TEP1: variants seen among roughly 807,000 people sequenced by gnomAD.
TEP1 encodes the protein telomerase protein component 1.
In TEP1, 241 loss-of-function variants were observed where a neutral mutation model predicts 306.3. That is an observed-to-expected ratio of 0.79 (90% CI 0.71 to 0.88). The LOEUF (loss-of-function observed/expected upper bound fraction) is 0.88. Ranked by LOEUF, TEP1 falls within the 40% of genes least tolerant of loss-of-function variation. TEP1 has a pLI of 0.00. For synonymous variants in TEP1, 1,289 were observed against 1,305.5 expected, an observed-to-expected ratio of 0.99 and a Z score of 0.27; for missense variants, 3,051 against 3,276.1, an observed-to-expected ratio of 0.93 and a Z score of 1.68.
At chr14:20,389,348 C>T in intron 16 of TEP1, 51 bp from the exon 17 acceptor site, 1 of 1,589,234 alleles carries the variant, frequency 6.3e-7, no homozygotes, top group Non-Finnish European at 8.6e-7. Flanking sequence ...ACCTGGAACA[C>T]AGTCACTGCC....
intron 2 of TEP1, 58 bp downstream of exon 2, chr14:20,407,815 G>C: frequency 1.4e-6 from 2 of 1,408,878 alleles, no homozygotes; most frequent in Non-Finnish European, 1.9e-6. Flanking sequence ...CTGAAAGCTA[G>C]AGACAAGAGC....
rs559198220 is a variant in TEP1, at chr14:20,372,751, G to A, written c.7058C>T (p.Ser2353Leu). 23 of 1,613,960 alleles carry A rather than the reference G, an allele frequency of 1.4e-5. No individual in the cohort carries two copies. The highest frequency in any genetic ancestry group is 1.3e-4 in the East Asian group (6 of 44,878). Residue 2353 changes from serine to leucine, a missense_variant, in exon 49 of 55, where the codon TCG becomes TTG. This residue lies in a region of TEP1 where 1,540 missense variants were observed against 1,705.9 expected (regional missense o/e 0.90). Coordinates refer to ENST00000262715, the MANE Select transcript of TEP1 (RefSeq NM_007110.5). ...SEWQVKLRKGSAPGNLSLHLN... is the reference protein window; with the variant it reads ...SEWQVKLRKGLAPGNLSLHLN... ...GTTTCACCTCAAATTTCCGGGTGCC[G>A]AACCCTTCCGCAGTTTCACTTGCCA...
Position 20,382,066 on chromosome 14 carries a change from G to C in TEP1, c.4274-3C>G. The C allele has an allele frequency of 1.2e-6, 2 of 1,614,012 alleles. No homozygotes were observed. The highest frequency in any genetic ancestry group is 1.7e-6 in the Non-Finnish European group (2 of 1,179,956). On this transcript the variant is annotated splice_region_variant and splice_polypyrimidine_tract_variant and intron_variant, in intron 29 of 54. Transcript: ENST00000262715. ...GTGCAGCTGGTCCACAGTCAAACCT[G>C]AAAACTCAAGCTCTCTGAGGCCCTC...
In TEP1 at chr14:20,383,936, A is replaced by G. The variant is rs1412847328; in HGVS notation, c.3535-18T>C. The G allele has an allele frequency of 1.3e-5, 20 of 1,594,522 alleles. No individual in the cohort carries two copies. In the South Asian group the frequency reaches 2.2e-4, roughly 18 times the overall value. On this transcript the variant is annotated intron_variant, in intron 24 of 54. Coordinates refer to ENST00000262715, the MANE Select transcript of TEP1 (RefSeq NM_007110.5). ...AGAGATGCCTGCATGGGACAGGAACAGAAAACATGGTCACATTTTACATGC... is the reference window on the plus strand; with the variant it reads ...AGAGATGCCTGCATGGGACAGGAACGGAAAACATGGTCACATTTTACATGC...
chr14:20,386,061 C>A lies in TEP1; in HGVS notation c.2982+14G>T, dbSNP rs761301855. The stretch of plus-strand genomic sequence containing the variant: ...GCTTCCTCCCCAGCCCTCCTCCAAA[C>A]CTGTCTGCCTTACCCAGTGGAAGTG... On this transcript the variant is annotated intron_variant, in intron 20 of 54. Coordinates refer to ENST00000262715, the MANE Select transcript of TEP1 (RefSeq NM_007110.5). 6 of 1,590,760 alleles carry A rather than the reference C, an allele frequency of 3.8e-6. No individual in the cohort carries two copies. In the South Asian group the frequency reaches 6.9e-5, roughly 18 times the overall value.
Position 20,401,529 on chromosome 14 carries a change from G to C in TEP1, c.1319C>G (p.Thr440Ser), listed in dbSNP as rs2139173514. ...CAGTCGCTGAACCAGCTTCTTCAGG[G>C]TGAACCTTGGAGGATTCTTTTTCTC... Reference protein sequence around the residue: ...VSEKKNPPRFTLKKLVQRLHI... With the variant: ...VSEKKNPPRFSLKKLVQRLHI... The change falls in exon 8 of 55, where the codon ACC becomes AGC. Residue 440 changes from threonine (T) to serine (S), a missense_variant. Thr to Ser is a moderately conservative substitution (Grantham distance 58). This residue lies in a region of TEP1 where 1,507 missense variants were observed against 1,550.5 expected (regional missense o/e 0.97). Transcript: ENST00000262715. The C allele has an allele frequency of 6.2e-7, 1 of 1,614,196 alleles. No individual in the cohort carries two copies. Among genetic ancestry groups the C allele is most frequent in the Middle Eastern group, 1.6e-4 (1 of 6,062 alleles).
Position 20,392,774 on chromosome 14 carries a change from G to A in TEP1, c.1929-1007C>T, listed in dbSNP as rs115648209. Among the ~76,000 whole-genome samples the A allele has an allele frequency of 2.2e-3, 337 of 152,142 alleles. 2 individuals are homozygous for A. The highest frequency in any genetic ancestry group is 7.8e-3 in the African/African-American group (325 of 41,496). ...CGAGGAATTATTTTTAGTTTTGTCAGGTATATTAATGACATTCTCATTGTA... is the reference window on the plus strand; with the variant it reads ...CGAGGAATTATTTTTAGTTTTGTCAAGTATATTAATGACATTCTCATTGTA... On this transcript the variant is annotated intron_variant, in intron 12 of 54. Coordinates refer to ENST00000262715, the MANE Select transcript of TEP1 (RefSeq NM_007110.5).
chr14:20,389,468 T>C (rs761596899), intron 16 of TEP1, 142 bp downstream of exon 16: 13 of 1,447,712 alleles, frequency 9.0e-6, no homozygotes, highest in Non-Finnish European at 1.2e-5. Context: ...GGCTAAAGTA[T>C]CCACCTGAAG....
rs1884576585 is a variant in TEP1, at chr14:20,368,007, T to G, written c.*430A>C. The G allele has an allele frequency of 6.4e-6, 1 of 157,140 alleles. No individual in the cohort carries two copies. The highest frequency in any genetic ancestry group is 1.4e-5 in the Non-Finnish European group (1 of 70,932). 9.7% of individuals were successfully genotyped at this position (157,140 alleles called of 1,614,324 possible). ...GACTGACTTATTCTCCCTCCCTCATTCTTTCCCGATGAACTGAAAGGTCTT... is the reference window on the plus strand; with the variant it reads ...GACTGACTTATTCTCCCTCCCTCATGCTTTCCCGATGAACTGAAAGGTCTT... On this transcript the variant is annotated 3_prime_UTR_variant, in exon 55 of 55. Coordinates refer to ENST00000262715, the MANE Select transcript of TEP1 (RefSeq NM_007110.5).
chr14:20,372,664 A>C, intron 49 of TEP1, 69 bp downstream of exon 49: 2 of 1,607,260 alleles, frequency 1.2e-6, no homozygotes, highest in Non-Finnish European at 1.7e-6. Flanking sequence ...GAAGTGCAGT[A>C]ATTTGGGTAA....
At chr14:20,401,670 A>G in intron 7 of TEP1, 89 bp from the exon 8 acceptor site, 1 of 1,538,448 alleles carries the variant, frequency 6.5e-7, no homozygotes, top group East Asian at 2.3e-5. Flanking sequence ...AGACCATCCG[A>G]TCCCTATGTG....
At chr14:20,395,774 C>T in intron 11 of TEP1, 85 bp downstream of exon 11, 3 of 1,529,998 alleles carry the variant, frequency 2.0e-6, no homozygotes, top group Non-Finnish European at 2.7e-6. Context: ...GACTGCAAAG[C>T]AAGAGGCTAA....
rs144724013 is a variant in TEP1, at chr14:20,400,759, A to G, written c.1549+225T>C. 869 of 541,360 alleles carry G rather than the reference A, an allele frequency of 1.6e-3. 9 individuals carry two copies. The highest frequency in any genetic ancestry group is 0.015 in the African/African-American group (798 of 53,256). 33.5% of individuals were successfully genotyped at this position (541,360 alleles called of 1,614,324 possible). On this transcript the variant is annotated intron_variant, in intron 9 of 54. Coordinates refer to ENST00000262715, the MANE Select transcript of TEP1 (RefSeq NM_007110.5). The stretch of plus-strand genomic sequence containing the variant: ...GTCATATGTTGATAAAAACTTGTAC[A>G]TCACCTAACTACATCTGGTATAATG...
intron 15 of TEP1, among the ~76,000 whole-genome samples, chr14:20,390,321 C>T (rs1042887308): frequency 2.0e-5 from 3 of 152,230 alleles, no homozygotes; most frequent in Non-Finnish European, 2.9e-5. Flanking sequence ...ATTATCTACA[C>T]GTGCTTATTT....
intron 21 of TEP1, 39 bp from the exon 22 acceptor site, chr14:20,384,752 AC>A: frequency 1.3e-6 from 2 of 1,585,622 alleles, no homozygotes; most frequent in Non-Finnish European, 8.6e-7. Context: ...ATAGACTCAG[AC>A]CCCAGCCAGC....
At chr14:20,379,179 C>A (rs1383527619) in intron 35 of TEP1, 74 bp from the exon 36 acceptor site, 11 of 1,560,888 alleles carry the variant, frequency 7.0e-6, no homozygotes, top group African/African-American at 2.7e-5. Flanking sequence ...CCAGGCCCCA[C>A]CCAAAAAGAA....
intron 3 of TEP1, among the ~76,000 whole-genome samples, 169 bp from the exon 4 acceptor site, chr14:20,405,754 C>T (rs543725269): frequency 6.2e-4 from 95 of 152,256 alleles, no homozygotes; most frequent in African/African-American, 2.3e-3. Flanking sequence ...TGGCTCACAT[C>T]TGTAATCCCA....
chr14:20,408,825 T>C (rs1187149983), intron 1 of TEP1, among the ~76,000 whole-genome samples: 2 of 147,756 alleles, frequency 1.4e-5, no homozygotes, highest in Non-Finnish European at 3.0e-5. Flanking sequence ...AAATAAAAAA[T>C]ATTTCTTAAA....
In TEP1 at chr14:20,389,296, A is replaced by G; in HGVS notation, c.2467T>C (p.Ser823Pro). The G allele has an allele frequency of 6.2e-7, 1 of 1,614,194 alleles. No homozygotes were observed. The highest frequency in any genetic ancestry group is 1.3e-5 in the African/African-American group (1 of 75,046). Reference protein sequence around the residue: ...GILLRRVQYLSTDLNPNDVTL... With the variant: ...GILLRRVQYLPTDLNPNDVTL... ...ACATCATTGGGATTCAAATCTGTTG[A>G]CCTGGCAAAGGAAGAAGCAGTCATT... The change falls in exon 17 of 55, where the codon TCA (serine) becomes CCA (proline). Residue 823 changes from serine (S) to proline (P), a missense_variant and splice_region_variant. Physicochemically the swap from Ser to Pro is moderately conservative, Grantham distance 74. This residue lies in a region of TEP1 where 1,507 missense variants were observed against 1,550.5 expected (regional missense o/e 0.97). Coordinates refer to ENST00000262715, the MANE Select transcript of TEP1 (RefSeq NM_007110.5).
Sources: gnomAD v4.1 joint callset for allele counts (sites outside exome capture counted in the v4.1 genomes callset) on GRCh38, gnomAD v4.1.1 for gene constraint, gnomAD v4.1.1 regional missense constraint, MANE v1.5 for transcripts, NCBI Gene and HGNC (gene_info 2026-07-23, HGNC 2026-07-21) for gene names.